CBFA2T3: variants seen among roughly 807,000 people sequenced by gnomAD.
CBFA2T3 encodes the protein transcriptional corepressor CBFA2T3.
CBFA2T3 carries 31 observed loss-of-function variants against 58.6 expected under a neutral mutation model. That is an observed-to-expected ratio of 0.53 (90% CI 0.40 to 0.71). The LOEUF (loss-of-function observed/expected upper bound fraction) is 0.71, where lower values mean the gene tolerates loss of function less well. CBFA2T3 is among the 30% of genes least tolerant of loss of function. CBFA2T3 has a pLI of 0.00. For missense variants in CBFA2T3, 1,076 were observed against 963.1 expected, an observed-to-expected ratio of 1.12 and a Z score of -1.55; for synonymous variants, 531 against 421.9, an observed-to-expected ratio of 1.26 and a Z score of -3.17.
chr16:88,889,330 G>A (rs1969528387), intron 5 of CBFA2T3, among the ~76,000 whole-genome samples: 1 of 135,336 alleles, frequency 7.4e-6, no homozygotes, highest in African/African-American at 2.8e-5. Flanking sequence ...CAGGAGGAAA[G>A]GAGGGGGTGG....
At chr16:88,881,194 C>G in intron 9 of CBFA2T3, 97 bp downstream of exon 9, 1 of 1,073,058 alleles carries the variant, frequency 9.3e-7, no homozygotes, top group East Asian at 2.4e-5. Context: ...AACTGTTCTG[C>G]CTGGTGTTTC....
At chr16:88,963,177 G>A (rs1972410008) in intron 1 of CBFA2T3, among the ~76,000 whole-genome samples, 1 of 152,104 alleles carries the variant, frequency 6.6e-6, no homozygotes, top group South Asian at 2.1e-4. Context: ...GAGAGAAGGT[G>A]GGGGCTTGGA....
chr16:88,942,110 T>A (rs1971763118), intron 1 of CBFA2T3, among the ~76,000 whole-genome samples: 1 of 152,160 alleles, frequency 6.6e-6, no homozygotes, highest in African/African-American at 2.4e-5. Flanking sequence ...ATCGTGCGTT[T>A]CATGTCCACC....
chr16:88,949,282 G>C (rs1971984014), intron 1 of CBFA2T3, among the ~76,000 whole-genome samples: 1 of 152,198 alleles, frequency 6.6e-6, no homozygotes, highest in Non-Finnish European at 1.5e-5. Context: ...TGGGAGGCCG[G>C]GCGCGGCGCC....
chr16:88,930,207 G>A (rs1169995742), intron 1 of CBFA2T3, among the ~76,000 whole-genome samples: 9 of 148,252 alleles, frequency 6.1e-5, no homozygotes, highest in Middle Eastern at 3.3e-3. Flanking sequence ...CATCATCCAC[G>A]CAAAAGTCAC....
chr16:88,877,147 C>G lies in CBFA2T3; in HGVS notation c.1791G>C (p.Gln597His). The G allele has an allele frequency of 6.4e-7, 1 of 1,550,662 alleles. No homozygotes were observed. The highest frequency in any genetic ancestry group is 1.4e-5 in the African/African-American group (1 of 73,162). The change falls in exon 12 of 12, where the codon CAG (glutamine) becomes CAC (histidine). Residue 597 changes from glutamine (Q) to histidine (H), a missense_variant. Transcript: ENST00000268679. ...KHHHVCGQSL[Q>H]GPTAVVADPV... is the part of the protein sequence containing the mutation. ...GGTCGGCCACCACGGCTGTGGGGCCCTGCAGGCTCTGGCCACACACGTGGT... is the reference window on the plus strand; with the variant it reads ...GGTCGGCCACCACGGCTGTGGGGCCGTGCAGGCTCTGGCCACACACGTGGT...
At chr16:88,894,150 C>A (rs530256274) in intron 3 of CBFA2T3, among the ~76,000 whole-genome samples, 1 of 152,066 alleles carries the variant, frequency 6.6e-6, no homozygotes, top group Non-Finnish European at 1.5e-5. Flanking sequence ...CACCCTTACA[C>A]ACATGCACGC....
At chr16:88,897,949 GA>G in intron 3 of CBFA2T3, 128 bp downstream of exon 3, 1 of 723,640 alleles carries the variant, frequency 1.4e-6, no homozygotes, top group Non-Finnish European at 2.5e-6. Context: ...CAACACAACA[GA>G]GGCAATGCTG....
Position 88,965,111 on chromosome 16 carries a change from C to CCATT in CBFA2T3, c.151+11545_151+11546insAATG, listed in dbSNP as rs1489141774. Among the ~76,000 whole-genome samples the CCATT allele has an allele frequency of 6.7e-4, 102 of 151,432 alleles. 1 individual carries two copies. The Middle Eastern group carries it at 0.027, about 41-fold the overall frequency. ...TCTATCCATCCATCCATCCATCCAT[C>CCATT]CATCCATCCACCCACCCACCCACCC... is the stretch of plus-strand genomic sequence containing the variant. On this transcript the variant is annotated intron_variant, in intron 1 of 11. Transcript: ENST00000268679.
intron 1 of CBFA2T3, among the ~76,000 whole-genome samples, chr16:88,902,735 A>G (rs1411975477): frequency 6.6e-6 from 1 of 152,232 alleles, no homozygotes; most frequent in Non-Finnish European, 1.5e-5. Context: ...CAAGGCAGAA[A>G]GACCTGCTAT....
rs539077525 is a variant in CBFA2T3 at position 88,875,452 on chromosome 16, C to G, written c.*1524G>C. The G allele has an allele frequency of 6.9e-5, 16 of 233,126 alleles. No individual in the cohort carries two copies. In the South Asian group the frequency reaches 2.7e-3, roughly 39 times the overall value. The allele number at this position is 233,126 out of a possible 1,614,324, so 14.4% of individuals were successfully genotyped here. On this transcript the variant is annotated 3_prime_UTR_variant, in exon 12 of 12. Transcript: ENST00000268679. The stretch of plus-strand genomic sequence containing the variant: ...GGGTGGCTGGGCAGGAGCACCAGGG[C>G]TATGTACACGGTCAGGGTCTTCCCT...
rs960447317 is a variant in CBFA2T3 at position 88,877,139 on chromosome 16, G to A, written c.1799C>T (p.Thr600Ile). ...HVCGQSLQGPTAVVADPVPGP... is the reference protein window; with the variant it reads ...HVCGQSLQGPIAVVADPVPGP... ...AGGCACCGGGTCGGCCACCACGGCT[G>A]TGGGGCCCTGCAGGCTCTGGCCACA... The change falls in exon 12 of 12, where the codon ACA becomes ATA. Residue 600 changes from threonine to isoleucine, a missense_variant. By Grantham distance (89) the Thr-to-Ile change is moderately conservative. Coordinates refer to ENST00000268679, the MANE Select transcript of CBFA2T3 (RefSeq NM_005187.6). 5.2e-6 allele frequency: 8 copies of A among 1,549,948 alleles called. No individual in the cohort carries two copies. The highest frequency in any genetic ancestry group is 7.0e-6 in the Non-Finnish European group (8 of 1,147,366).
At chr16:88,899,006 G>A (rs1365517140) in intron 2 of CBFA2T3, among the ~76,000 whole-genome samples, 1 of 152,076 alleles carries the variant, frequency 6.6e-6, no homozygotes, top group Non-Finnish European at 1.5e-5. Flanking sequence ...CCCTTTAAGC[G>A]TCCTCCCAGC....
At position 88,904,712 on chromosome 16, in the gene CBFA2T3, G is replaced by A. The variant is rs115619284; in HGVS notation, c.152-3056C>T. On this transcript the variant is annotated intron_variant, in intron 1 of 11. Coordinates refer to ENST00000268679, the MANE Select transcript of CBFA2T3 (RefSeq NM_005187.6). ...GCTGTGCAGGAGATGGGACCTTTCC[G>A]GGCCCCACCCCGGATTGTGCGGGGG... 9.2e-3 allele frequency among the ~76,000 whole-genome samples: 1,392 copies of A among 151,052 alleles called. 24 individuals are homozygous for A. The highest frequency in any genetic ancestry group is 0.033 in the African/African-American group (1,323 of 40,454).
Position 88,901,522 on chromosome 16 carries a change from A to T in CBFA2T3, c.286T>A (p.Ser96Thr), listed in dbSNP as rs775179445. Residue 96 changes from serine (S) to threonine (T), a missense_variant, in exon 2 of 12, where the codon TCC becomes ACC. Transcript: ENST00000268679. ...TACTTACGTGTGTGTGGCGTGAAGGAGGGGGGGCGTGTGGCCCCCTGGGAT... is the reference window on the plus strand; with the variant it reads ...TACTTACGTGTGTGTGGCGTGAAGGTGGGGGGGCGTGTGGCCCCCTGGGAT... ...AASQGATRPP[S>T]FTPHTHREDG... 6.8e-7 allele frequency: 1 copy of T among 1,467,484 alleles called. No homozygotes were observed. Among genetic ancestry groups the T allele is most frequent in the Non-Finnish European group, 9.0e-7 (1 of 1,110,600 alleles). The allele number at this position is 1,467,484 out of a possible 1,614,324, so 90.9% of individuals were successfully genotyped here. A position where few individuals can be genotyped will look rare whatever the true frequency, so the allele number is the denominator to read the frequency against.
At chr16:88,935,817 A>C (rs575583681) in intron 1 of CBFA2T3, among the ~76,000 whole-genome samples, 1 of 152,352 alleles carries the variant, frequency 6.6e-6, no homozygotes, top group Admixed American at 6.5e-5. Flanking sequence ...CAGTCCAGAC[A>C]CACACATCCC....
chr16:88,962,718 C>T (rs1002166315), intron 1 of CBFA2T3, among the ~76,000 whole-genome samples: 9 of 152,182 alleles, frequency 5.9e-5, no homozygotes, highest in African/African-American at 9.7e-5. Context: ...TCACGGTGCT[C>T]GGCCCAGCCA....
chr16:88,912,149 G>A lies in CBFA2T3; in HGVS notation c.152-10493C>T, dbSNP rs1008060071. ...CTGCCTGCAGGCTGGGCCCACCCGC[G>A]CCTCCCCAACCCACTACGTGGCTCC... On this transcript the variant is annotated intron_variant, in intron 1 of 11. Coordinates refer to ENST00000268679, the MANE Select transcript of CBFA2T3 (RefSeq NM_005187.6). 6.8e-4 allele frequency among the ~76,000 whole-genome samples: 104 copies of A among 152,344 alleles called. 1 individual carries two copies. The highest frequency in any genetic ancestry group is 2.2e-4 in the Non-Finnish European group (15 of 68,028).
intron 1 of CBFA2T3, 130 bp downstream of exon 1, chr16:88,976,527 C>T (rs1291708044): frequency 8.6e-6 from 6 of 696,454 alleles, no homozygotes; most frequent in African/African-American, 7.1e-5. Flanking sequence ...TGAGGTGAGT[C>T]AACACGGCCA....
Sources: allele counts gnomAD v4.1 joint callset (sites outside exome capture counted in the v4.1 genomes callset), GRCh38; gene constraint gnomAD v4.1.1; transcripts MANE v1.5; gene names NCBI Gene and HGNC (gene_info 2026-07-23, HGNC 2026-07-21).